ATXN1: variants seen among roughly 807,000 people sequenced by gnomAD.
The protein encoded by ATXN1 is ataxin-1.
In ATXN1, 8 loss-of-function variants were observed where a neutral mutation model predicts 56.4. The observed-to-expected ratio is 0.14, with a 90% confidence interval of 0.08 to 0.26. The LOEUF (loss-of-function observed/expected upper bound fraction) is 0.26. Among genes scored for constraint, ATXN1 ranks in the 10% least tolerant of loss-of-function variants. ATXN1 has a pLI of 1.00. For missense variants in ATXN1, 987 were observed against 1,106.5 expected, an observed-to-expected ratio of 0.89 and a Z score of 1.53; for synonymous variants, 514 against 494.6, an observed-to-expected ratio of 1.04 and a Z score of -0.52.
At chr6:16,392,651 A>G (rs1758379231) in intron 6 of ATXN1, among the ~76,000 whole-genome samples, 1 of 152,052 alleles carries the variant, frequency 6.6e-6, no homozygotes, top group South Asian at 2.1e-4. Flanking sequence ...GCCCGCCACC[A>G]CACCTGGCTA....
chr6:16,564,742 G>T (rs981177303), intron 4 of ATXN1, among the ~76,000 whole-genome samples: 1 of 152,178 alleles, frequency 6.6e-6, no homozygotes, highest in African/African-American at 2.4e-5. Context: ...TTGCTGATGG[G>T]TATGGGATTT....
intron 6 of ATXN1, among the ~76,000 whole-genome samples, chr6:16,365,378 A>G (rs1037868111): frequency 1.3e-5 from 2 of 152,122 alleles, no homozygotes; most frequent in Admixed American, 6.5e-5. Context: ...GGGTTTCACC[A>G]TGTTGGCCAG....
At chr6:16,522,509 C>CA (rs779335927) in intron 5 of ATXN1, 118 bp downstream of exon 5, 1 of 151,946 alleles carries the variant, frequency 6.6e-6, no homozygotes, top group Non-Finnish European at 1.5e-5. Context: ...ACCTTGGTTC[C>CA]AAGCAGGAGA....
chr6:16,388,555 T>C (rs1311722868), intron 6 of ATXN1, among the ~76,000 whole-genome samples: 1 of 152,234 alleles, frequency 6.6e-6, no homozygotes, highest in Admixed American at 6.5e-5. Flanking sequence ...GTCTAGTATT[T>C]ATCTTCTAAA....
intron 3 of ATXN1, among the ~76,000 whole-genome samples, chr6:16,653,876 C>T (rs1366025384): frequency 6.6e-6 from 1 of 152,160 alleles, no homozygotes; most frequent in East Asian, 1.9e-4. Flanking sequence ...CTACCATAGG[C>T]TCAGACCTGG....
rs928470744 is a variant in ATXN1, at chr6:16,301,132, G to A, written c.*5197C>T. 3.3e-5 allele frequency: 5 copies of A among 149,874 alleles called. No homozygotes were observed. In the South Asian group the frequency reaches 1.1e-3, roughly 32 times the overall value. The allele number at this position is 149,874 out of a possible 1,614,324, so 9.3% of individuals were successfully genotyped here. A position where few individuals can be genotyped will look rare whatever the true frequency, so the allele number is the denominator to read the frequency against. On this transcript the variant is annotated 3_prime_UTR_variant, in exon 8 of 8. Coordinates refer to ENST00000436367, the MANE Select transcript of ATXN1 (RefSeq NM_001128164.2). ...GTATGAAACTCATTGTTTCAACAGA[G>A]CCATATCTTTCAAACACTGAATGAA...
chr6:16,701,054 A>G (rs1759273455), intron 2 of ATXN1, among the ~76,000 whole-genome samples: 2 of 151,780 alleles, frequency 1.3e-5, no homozygotes, highest in African/African-American at 4.8e-5. Context: ...TTGGGAGGGG[A>G]TGTTGGCATC....
intron 6 of ATXN1, among the ~76,000 whole-genome samples, chr6:16,399,973 C>T (rs1411666068): frequency 2.6e-5 from 4 of 152,278 alleles, no homozygotes; most frequent in Admixed American, 6.5e-5. Context: ...TAAACGCTAG[C>T]CTCACCATGG....
chr6:16,378,110 C>G (rs1355152950), intron 6 of ATXN1, among the ~76,000 whole-genome samples: 1 of 152,224 alleles, frequency 6.6e-6, no homozygotes, highest in Non-Finnish European at 1.5e-5. Flanking sequence ...ACTCAGGCCA[C>G]ACTGCTTCCC....
intron 6 of ATXN1, among the ~76,000 whole-genome samples, chr6:16,478,757 G>C (rs924469109): frequency 6.6e-6 from 1 of 152,104 alleles, no homozygotes; most frequent in Non-Finnish European, 1.5e-5. Context: ...AGCCACAAAG[G>C]CTTGGGAAGA....
intron 2 of ATXN1, among the ~76,000 whole-genome samples, chr6:16,712,338 T>C (rs146683206): frequency 4.6e-5 from 7 of 152,260 alleles, no homozygotes; most frequent in African/African-American, 1.7e-4. Context: ...ATAACCCCTA[T>C]TCCGTACAAA....
intron 3 of ATXN1, among the ~76,000 whole-genome samples, chr6:16,606,592 G>A (rs888410112): frequency 2.7e-4 from 41 of 151,500 alleles, no homozygotes; most frequent in African/African-American, 9.7e-4. Flanking sequence ...CCGGTGGTGC[G>A]ATCTCGGCTC....
chr6:16,608,883 T>C (rs1763056723), intron 3 of ATXN1, among the ~76,000 whole-genome samples: 2 of 152,222 alleles, frequency 1.3e-5, no homozygotes, highest in South Asian at 4.1e-4. Context: ...TAAATACTTT[T>C]GTAAAATTCA....
At chr6:16,346,558 G>A (rs1761393284) in intron 6 of ATXN1, among the ~76,000 whole-genome samples, 2 of 152,216 alleles carry the variant, frequency 1.3e-5, no homozygotes, top group South Asian at 4.1e-4. Context: ...TGACTCCTGA[G>A]CAGGAAGCAC....
At chr6:16,724,193 A>G (rs1759801325) in intron 2 of ATXN1, among the ~76,000 whole-genome samples, 1 of 152,196 alleles carries the variant, frequency 6.6e-6, no homozygotes. Context: ...GTGTGTCTAA[A>G]TATGGAAAAA....
chr6:16,466,611 T>C (rs1760112857), intron 6 of ATXN1, among the ~76,000 whole-genome samples: 1 of 152,138 alleles, frequency 6.6e-6, no homozygotes, highest in Non-Finnish European at 1.5e-5. Flanking sequence ...GGAAAGACAT[T>C]CACAACTTTT....
At chr6:16,489,336 C>T (rs1760612134) in intron 5 of ATXN1, among the ~76,000 whole-genome samples, 2 of 152,212 alleles carry the variant, frequency 1.3e-5, no homozygotes, top group South Asian at 2.1e-4. Flanking sequence ...TTTCACCTTT[C>T]TCTGTCTTCC....
intron 7 of ATXN1, among the ~76,000 whole-genome samples, chr6:16,320,835 C>T (rs763967215): frequency 2.0e-5 from 3 of 152,226 alleles, no homozygotes; most frequent in Non-Finnish European, 2.9e-5. Flanking sequence ...GAAACAGGAA[C>T]GGCGGGAAGG....
At chr6:16,619,677 A>T (rs1389622436) in intron 3 of ATXN1, among the ~76,000 whole-genome samples, 1 of 152,200 alleles carries the variant, frequency 6.6e-6, no homozygotes, top group Non-Finnish European at 1.5e-5. Flanking sequence ...GAATATATAC[A>T]TCCCTTCTGT....
Sources: gnomAD v4.1 joint callset for allele counts (sites outside exome capture counted in the v4.1 genomes callset) on GRCh38, gnomAD v4.1.1 for gene constraint, MANE v1.5 for transcripts, NCBI Gene and HGNC (gene_info 2026-07-23, HGNC 2026-07-21) for gene names.